SOX5: variants seen among roughly 807,000 people sequenced by gnomAD.
SOX5 encodes the protein SRY-box transcription factor 5.
SOX5 carries 9 observed loss-of-function variants against 92.0 expected under a neutral mutation model. The ratio of observed to expected loss-of-function variants is 0.10; its 90% CI spans 0.06 to 0.17. The LOEUF (loss-of-function observed/expected upper bound fraction) is 0.17. Among genes scored for constraint, SOX5 ranks in the 10% least tolerant of loss-of-function variants. The pLI is 1.00. For synonymous variants in SOX5, 344 were observed against 336.3 expected, an observed-to-expected ratio of 1.02 and a Z score of -0.25; for missense variants, 642 against 944.5, an observed-to-expected ratio of 0.68 and a Z score of 4.20.
At chr12:24,420,687 G>A (rs987869839) in intron 1 of SOX5, among the ~76,000 whole-genome samples, 6 of 152,066 alleles carry the variant, frequency 3.9e-5, no homozygotes, top group Non-Finnish European at 7.4e-5. Flanking sequence ...AATTATCACA[G>A]TTAGTAAATG....
chr12:23,733,033 A>C (rs1028138667), intron 6 of SOX5, among the ~76,000 whole-genome samples: 1 of 152,212 alleles, frequency 6.6e-6, no homozygotes, highest in Non-Finnish European at 1.5e-5. Flanking sequence ...TAGTGGTCAT[A>C]ATTGTGGAAT....
intron 3 of SOX5, among the ~76,000 whole-genome samples, chr12:24,216,645 G>A (rs1267618929): frequency 1.3e-5 from 2 of 152,024 alleles, no homozygotes; most frequent in Admixed American, 6.5e-5. Context: ...ACATGAGCTC[G>A]GGTGCGGTGG....
chr12:23,760,127 C>A (rs2094523161), intron 3 of SOX5, among the ~76,000 whole-genome samples: 1 of 151,946 alleles, frequency 6.6e-6, no homozygotes, highest in Non-Finnish European at 1.5e-5. Context: ...CTAGGGCTCC[C>A]TAGATTAAAA....
intron 2 of SOX5, among the ~76,000 whole-genome samples, chr12:24,321,833 G>A (rs1950234565): frequency 6.6e-6 from 1 of 152,132 alleles, no homozygotes; most frequent in Non-Finnish European, 1.5e-5. Flanking sequence ...CGGGGGAAAA[G>A]TTATATTATG....
chr12:23,793,717 G>A (rs183032296), intron 3 of SOX5, among the ~76,000 whole-genome samples: 7 of 152,236 alleles, frequency 4.6e-5, no homozygotes, highest in Admixed American at 2.6e-4. Flanking sequence ...ATAACTACAG[G>A]GTACAGCCAG....
chr12:23,879,330 G>GA (rs55920077), intron 2 of SOX5, among the ~76,000 whole-genome samples: 51 of 151,470 alleles, frequency 3.4e-4, no homozygotes, highest in Non-Finnish European at 6.3e-4. Flanking sequence ...CTAATCTGAT[G>GA]AAAAAAAAAC....
At chr12:23,668,399 G>A (rs909716749) in intron 6 of SOX5, among the ~76,000 whole-genome samples, 2 of 152,114 alleles carry the variant, frequency 1.3e-5, no homozygotes, top group Non-Finnish European at 2.9e-5. Context: ...TATAAACAAT[G>A]AGCAGTGACT....
At chr12:24,053,409 C>T (rs1340429094) in intron 4 of SOX5, among the ~76,000 whole-genome samples, 2 of 152,114 alleles carry the variant, frequency 1.3e-5, no homozygotes, top group Non-Finnish European at 2.9e-5. Context: ...TGATTATAGG[C>T]ATGAGCTACC....
At chr12:24,068,696 GTGTGTGTGTATA>G (rs1287933645) in intron 4 of SOX5, among the ~76,000 whole-genome samples, 6 of 57,634 alleles carry the variant, frequency 1.0e-4, no homozygotes, top group African/African-American at 1.4e-4. Context: ...GTGTGTGTGT[GTGTGTGTGTATA>G]TATATATATA....
chr12:23,977,237 G>A (rs1029662197), intron 4 of SOX5, among the ~76,000 whole-genome samples: 2 of 152,152 alleles, frequency 1.3e-5, no homozygotes, highest in Middle Eastern at 6.3e-3. Context: ...CAGAGAGGAG[G>A]TAGTAAGGAA....
chr12:23,617,275 G>A (rs2076679671), intron 8 of SOX5, among the ~76,000 whole-genome samples: 1 of 152,120 alleles, frequency 6.6e-6, no homozygotes, highest in South Asian at 2.1e-4. Flanking sequence ...GGGCTTGGAG[G>A]TATGGGCTCC....
Position 23,533,163 on chromosome 12 carries a change from G to C in SOX5, c.*1056C>G, listed in dbSNP as rs530534708. ...AGATTATTTCTAGACCAGTCACTTGGGAGGATGTGGGATTTCATCCCCAGA... is the reference window on the plus strand; with the variant it reads ...AGATTATTTCTAGACCAGTCACTTGCGAGGATGTGGGATTTCATCCCCAGA... On this transcript the variant is annotated 3_prime_UTR_variant, in exon 15 of 15. Coordinates refer to ENST00000451604, the MANE Select transcript of SOX5 (RefSeq NM_006940.6). 20 of 456,386 alleles carry C rather than the reference G, an allele frequency of 4.4e-5. No individual in the cohort carries two copies. The highest frequency in any genetic ancestry group is 1.2e-4 in the Admixed American group (5 of 42,558). 28.3% of individuals were successfully genotyped at this position (456,386 alleles called of 1,614,324 possible).
intron 4 of SOX5, among the ~76,000 whole-genome samples, chr12:24,204,327 AATT>A (rs1555173283): frequency 2.0e-5 from 3 of 149,958 alleles, no homozygotes; most frequent in African/African-American, 4.9e-5. Flanking sequence ...TATTATTATT[AATT>A]ATTATTATTA....
intron 4 of SOX5, among the ~76,000 whole-genome samples, chr12:23,966,241 A>AAAAAAAAAAAAAAAAAAAAAAAAAAAAAC (rs1569302878): frequency 7.7e-6 from 1 of 129,216 alleles, no homozygotes. Flanking sequence ...AAAAAAAAAA[A>AAAAAAAAAAAAAAAAAAAAAAAAAAAAAC]GCTGTTTGGG....
chr12:23,556,984 C>T (rs1189181586), intron 11 of SOX5, among the ~76,000 whole-genome samples: 2 of 152,190 alleles, frequency 1.3e-5, no homozygotes, highest in African/African-American at 2.4e-5. Context: ...ACACTTACTG[C>T]CATTTGTAAC....
intron 2 of SOX5, among the ~76,000 whole-genome samples, chr12:23,861,026 C>CA (rs2096751975): frequency 7.4e-6 from 1 of 135,064 alleles, no homozygotes; most frequent in African/African-American, 2.8e-5. Context: ...ATATGTCAAA[C>CA]AGAGAGAGAA....
intron 8 of SOX5, chr12:23,638,359 G>A (rs1258066428): frequency 1.3e-5 from 2 of 152,134 alleles, no homozygotes; most frequent in Non-Finnish European, 2.9e-5. Flanking sequence ...TGAGATTAAA[G>A]TTTCCAGCAG....
chr12:24,073,459 C>T (rs1244637409), intron 4 of SOX5, among the ~76,000 whole-genome samples: 3 of 152,156 alleles, frequency 2.0e-5, no homozygotes, highest in Admixed American at 6.5e-5. Flanking sequence ...GCTGGGGACA[C>T]CTCTGTGAAC....
intron 1 of SOX5, among the ~76,000 whole-genome samples, chr12:24,401,111 T>C (rs189151349): frequency 2.9e-4 from 44 of 152,212 alleles, no homozygotes; most frequent in Admixed American, 2.4e-3. Flanking sequence ...CCCAGCACTT[T>C]GGGAGGCTGA....
Sources: gnomAD v4.1 joint callset for allele counts (sites outside exome capture counted in the v4.1 genomes callset) on GRCh38, gnomAD v4.1.1 for gene constraint, MANE v1.5 for transcripts, NCBI Gene and HGNC (gene_info 2026-07-23, HGNC 2026-07-21) for gene names.